RGS7: variants seen among roughly 807,000 people sequenced by gnomAD.
RGS7 encodes the protein regulator of G protein signaling 7, also known as regulator of G-protein signaling 7.
In RGS7, 27 loss-of-function variants were observed where a neutral mutation model predicts 81.1. The ratio of observed to expected loss-of-function variants is 0.33; its 90% CI spans 0.25 to 0.46. The LOEUF is 0.46. Ranked by LOEUF, RGS7 falls within the 20% of genes least tolerant of loss-of-function variation. The pLI is 1.00. For missense variants in RGS7, 396 were observed against 607.4 expected, an observed-to-expected ratio of 0.65 and a Z score of 3.66; for synonymous variants, 208 against 207.7, an observed-to-expected ratio of 1.00 and a Z score of -0.01.
intron 15 of RGS7, among the ~76,000 whole-genome samples, chr1:240,804,599 A>G (rs1284541295): frequency 6.6e-6 from 1 of 152,204 alleles, no homozygotes; most frequent in Non-Finnish European, 1.5e-5. Flanking sequence ...TGACACCGAT[A>G]ACTAAAAAAA....
rs115689142 is a variant in RGS7, at chr1:241,298,670, G to A, written c.78+57029C>T. ...TAGAGAAAATTCTGGAGCCTACAGAGTAGACCAGAGAAGCATCTCACAATG... is the reference window on the plus strand; with the variant it reads ...TAGAGAAAATTCTGGAGCCTACAGAATAGACCAGAGAAGCATCTCACAATG... On this transcript the variant is annotated intron_variant, in intron 2 of 18. Transcript: ENST00000440928. Among the ~76,000 whole-genome samples the A allele has an allele frequency of 5.7e-3, 866 of 152,260 alleles. 10 individuals carry two copies. The highest frequency in any genetic ancestry group is 0.019 in the African/African-American group (801 of 41,542).
At chr1:241,121,077 C>G (rs557361019) in intron 2 of RGS7, among the ~76,000 whole-genome samples, 6 of 152,184 alleles carry the variant, frequency 3.9e-5, no homozygotes, top group Non-Finnish European at 5.9e-5. Flanking sequence ...TTACTCCTTA[C>G]TCCATTACTC....
At chr1:240,923,230 CA>C (rs1323658987) in intron 6 of RGS7, among the ~76,000 whole-genome samples, 2 of 151,808 alleles carry the variant, frequency 1.3e-5, no homozygotes, top group Admixed American at 1.3e-4. Context: ...ATCTTTAGGG[CA>C]GTGAAACTAA....
chr1:240,999,789 G>A (rs917052395), intron 3 of RGS7, among the ~76,000 whole-genome samples: 13 of 151,598 alleles, frequency 8.6e-5, no homozygotes, highest in African/African-American at 2.9e-4. Context: ...TCCCAGTAGA[G>A]ACGGGGTTTC....
chr1:240,808,006 G>C (rs1186045274), intron 14 of RGS7, among the ~76,000 whole-genome samples: 1 of 143,088 alleles, frequency 7.0e-6, no homozygotes, highest in African/African-American at 2.7e-5. Context: ...TTGCACTCTA[G>C]CCTGGGCAAC....
At chr1:241,167,987 C>T (rs2070401768) in intron 2 of RGS7, among the ~76,000 whole-genome samples, 1 of 152,092 alleles carries the variant, frequency 6.6e-6, no homozygotes. Flanking sequence ...CTTCAAGACT[C>T]TTGTGAAAAA....
At chr1:241,220,478 A>T (rs2074827419) in intron 2 of RGS7, among the ~76,000 whole-genome samples, 1 of 152,144 alleles carries the variant, frequency 6.6e-6, no homozygotes, top group South Asian at 2.1e-4. Context: ...TTGAAACTAA[A>T]GTCTATCACT....
In RGS7 at chr1:240,868,713, T is replaced by A. The variant is rs781041822; in HGVS notation, c.528-45A>T. 2 of 1,607,682 alleles carry A rather than the reference T, an allele frequency of 1.2e-6. No individual in the cohort carries two copies. The highest frequency in any genetic ancestry group is 2.7e-5 in the African/African-American group (2 of 74,788). On this transcript the variant is annotated intron_variant, in intron 8 of 18. Coordinates refer to ENST00000440928, the MANE Select transcript of RGS7 (RefSeq NM_001364886.1). This position sits in a 1 kb window ranked among gnomAD's most constrained non-coding sequence, Gnocchi z 5.1. ...AGATAACATTTAGTATTAATTGTAGTGCCTCTCTGAACAAAAAGGCCACAA... is the reference window on the plus strand; with the variant it reads ...AGATAACATTTAGTATTAATTGTAGAGCCTCTCTGAACAAAAAGGCCACAA...
intron 2 of RGS7, among the ~76,000 whole-genome samples, chr1:241,249,855 T>C (rs915464547): frequency 6.6e-6 from 1 of 152,114 alleles, no homozygotes; most frequent in Admixed American, 6.5e-5. Flanking sequence ...AGAAAAATGG[T>C]GGCATATTTA....
At chr1:240,988,697 G>A (rs1024692271) in intron 3 of RGS7, among the ~76,000 whole-genome samples, 1 of 152,166 alleles carries the variant, frequency 6.6e-6, no homozygotes, top group Non-Finnish European at 1.5e-5. Context: ...CAGGAGAGAT[G>A]AACTCCAGCC....
chr1:241,283,415 T>C (rs553244078), intron 2 of RGS7, among the ~76,000 whole-genome samples: 1 of 152,336 alleles, frequency 6.6e-6, no homozygotes, highest in South Asian at 2.1e-4. Context: ...TTGCTGGATA[T>C]AGTGTTCTGA....
chr1:241,329,916 CTTTGTTTTTTT>C (rs1366930032), intron 2 of RGS7, among the ~76,000 whole-genome samples: 1 of 151,366 alleles, frequency 6.6e-6, no homozygotes, highest in Non-Finnish European at 1.5e-5. Context: ...GGCAATTTTT[CTTTGTTTTTTT>C]TTTGTTTGTT....
At chr1:241,165,469 T>C (rs1014175192) in intron 2 of RGS7, among the ~76,000 whole-genome samples, 1 of 152,086 alleles carries the variant, frequency 6.6e-6, no homozygotes, top group Non-Finnish European at 1.5e-5. Context: ...GATGAGTTCA[T>C]GTCCTTTGTA....
chr1:241,177,205 G>A (rs542048295), intron 2 of RGS7, among the ~76,000 whole-genome samples: 2 of 152,320 alleles, frequency 1.3e-5, no homozygotes, highest in East Asian at 1.9e-4. Context: ...CAGAGCAGTA[G>A]GCTACTCCAC....
chr1:241,009,447 G>A (rs745861207), intron 3 of RGS7, among the ~76,000 whole-genome samples: 1 of 152,138 alleles, frequency 6.6e-6, no homozygotes, highest in Non-Finnish European at 1.5e-5. Context: ...TTTATTTCAG[G>A]TTGACAGAAT....
intron 2 of RGS7, among the ~76,000 whole-genome samples, chr1:241,174,952 G>C (rs1460937951): frequency 7.3e-6 from 1 of 137,928 alleles, no homozygotes; most frequent in Non-Finnish European, 1.5e-5. Context: ...ACCTGAGCTG[G>C]AGTGCAGTGG....
intron 3 of RGS7, among the ~76,000 whole-genome samples, chr1:241,071,815 A>G (rs2062464061): frequency 7.1e-6 from 1 of 140,882 alleles, no homozygotes; most frequent in Non-Finnish European, 1.5e-5. Context: ...TCAAGGCTGT[A>G]GTGAGCTATG....
At chr1:241,303,887 G>A (rs956828283) in intron 2 of RGS7, among the ~76,000 whole-genome samples, 6 of 152,194 alleles carry the variant, frequency 3.9e-5, no homozygotes, top group African/African-American at 1.4e-4. Context: ...ATTTTGGGGG[G>A]CAAGACTTCT....
intron 9 of RGS7, among the ~76,000 whole-genome samples, chr1:240,838,829 C>G (rs992148197): frequency 6.6e-6 from 1 of 151,694 alleles, no homozygotes; most frequent in Non-Finnish European, 1.5e-5. Context: ...TGCAGTGGCG[C>G]CATCTCGGCT....
Sources: allele counts gnomAD v4.1 joint callset (sites outside exome capture counted in the v4.1 genomes callset), GRCh38; gene constraint gnomAD v4.1.1; non-coding constraint Gnocchi (gnomAD v3.1); transcripts MANE v1.5; gene names NCBI Gene and HGNC (gene_info 2026-07-23, HGNC 2026-07-21).